The following THRAP3 variants were observed in gnomAD, a reference collection of about 807,000 sequenced individuals.
THRAP3 encodes thyroid hormone receptor-associated protein 3.
THRAP3 carries 16 observed loss-of-function variants against 101.0 expected under a neutral mutation model. The observed-to-expected ratio is 0.16, with a 90% CI of 0.11 to 0.24. The LOEUF (loss-of-function observed/expected upper bound fraction) is 0.24. Among genes scored for constraint, THRAP3 ranks in the 10% least tolerant of loss-of-function variants. THRAP3 has a pLI of 1.00. For synonymous variants in THRAP3, 407 were observed against 422.6 expected, an observed-to-expected ratio of 0.96 and a Z score of 0.45; for missense variants, 989 against 1,202.7, an observed-to-expected ratio of 0.82 and a Z score of 2.63.
At chr1:36,272,249 T>A (rs934787722) in intron 2 of THRAP3, among the ~76,000 whole-genome samples, 1 of 152,198 alleles carries the variant, frequency 6.6e-6, no homozygotes, top group Non-Finnish European at 1.5e-5. Flanking sequence ...TCACCCCCAC[T>A]TTTTAGGAGA....
Position 36,252,086 on chromosome 1 carries a change from C to G in THRAP3, c.-134-7296C>G, listed in dbSNP as rs188903330. On this transcript the variant is annotated intron_variant, in intron 1 of 11. Coordinates refer to ENST00000354618, the MANE Select transcript of THRAP3 (RefSeq NM_005119.4). ...CAGTTCCTACCATTTGGGAGTCTTA[C>G]AGTTTTGAGAATTACTATTCATGAG... Among the ~76,000 whole-genome samples the G allele has an allele frequency of 3.2e-3, 488 of 152,276 alleles. 4 individuals are homozygous for G. Among genetic ancestry groups the G allele is most frequent in the African/African-American group, 0.011 (469 of 41,576 alleles).
chr1:36,287,516 C>T, intron 4 of THRAP3: 3 of 985,446 alleles, frequency 3.0e-6, no homozygotes, highest in South Asian at 4.7e-5. Context: ...GATGTTTTCA[C>T]ATTTAAAATT....
upstream of THRAP3, among the ~76,000 whole-genome samples, chr1:36,221,998 A>C (rs1644904987): frequency 6.6e-6 from 1 of 151,470 alleles, no homozygotes; most frequent in South Asian, 2.1e-4. Flanking sequence ...TTTAGTAGAG[A>C]CCAGGGTTTC....
chr1:36,264,264 C>T (rs924462221), intron 2 of THRAP3, among the ~76,000 whole-genome samples: 2 of 152,246 alleles, frequency 1.3e-5, no homozygotes, highest in African/African-American at 4.8e-5. Flanking sequence ...CTCCCTCCAA[C>T]CACTCTGGTT....
chr1:36,220,972 A>AATATATATATAT (rs1228406695), upstream of THRAP3, among the ~76,000 whole-genome samples: 6 of 94,120 alleles, frequency 6.4e-5, no homozygotes, highest in South Asian at 3.3e-4. Context: ...AAAAAAAAAA[A>AATATATATATAT]ATATATATAT....
At chr1:36,265,058 A>G (rs187852738) in intron 2 of THRAP3, among the ~76,000 whole-genome samples, 2 of 152,094 alleles carry the variant, frequency 1.3e-5, no homozygotes, top group African/African-American at 2.4e-5. Flanking sequence ...CTTAACTTCA[A>G]ATGAGGTTAC....
intron 9 of THRAP3, among the ~76,000 whole-genome samples, chr1:36,299,852 T>TTA (rs1178051042): frequency 6.6e-6 from 1 of 152,060 alleles, no homozygotes; most frequent in Non-Finnish European, 1.5e-5. Flanking sequence ...GCACGGATGT[T>TTA]TAGTGGGGTC....
intron 1 of THRAP3, among the ~76,000 whole-genome samples, chr1:36,245,369 A>G (rs1487431487): frequency 6.6e-6 from 1 of 151,584 alleles, no homozygotes; most frequent in Non-Finnish European, 1.5e-5. Context: ...GGGTTTCACC[A>G]TTTTGGCCAG....
rs1553121666 is a variant in THRAP3, at chr1:36,270,571, G to GGTTTTTT, written c.-32+11087_-32+11088insGTTTTTT. ...TAAAAATACAGTTCTATTTGTTTAG[G>GGTTTTTT]TTTTTGTTTTTTTTTTTTTTTTTGA... On this transcript the variant is annotated intron_variant, in intron 2 of 11. Coordinates refer to ENST00000354618, the MANE Select transcript of THRAP3 (RefSeq NM_005119.4). 1.9e-3 allele frequency among the ~76,000 whole-genome samples: 62 copies of GGTTTTTT among 31,876 alleles called. 1 individual carries two copies. Among genetic ancestry groups the GGTTTTTT allele is most frequent in the Middle Eastern group, 0.016 (1 of 62 alleles). The allele number at this position is 31,876 out of a possible 152,430, so 20.9% of individuals were successfully genotyped here. A position where few individuals can be genotyped will look rare whatever the true frequency, so the allele number is the denominator to read the frequency against.
chr1:36,273,631 G>A (rs1261547636), intron 2 of THRAP3, among the ~76,000 whole-genome samples: 4 of 152,194 alleles, frequency 2.6e-5, no homozygotes, highest in Non-Finnish European at 5.9e-5. Context: ...TGGTGAAGAA[G>A]TAAAATCATC....
chr1:36,265,078 T>G (rs1014368260), intron 2 of THRAP3, among the ~76,000 whole-genome samples: 8 of 152,150 alleles, frequency 5.3e-5, no homozygotes, highest in Non-Finnish European at 1.0e-4. Flanking sequence ...CATTCTGAGG[T>G]ACTAGGGGTT....
chr1:36,245,335 T>A (rs1645218521), intron 1 of THRAP3, among the ~76,000 whole-genome samples: 1 of 151,662 alleles, frequency 6.6e-6, no homozygotes, highest in South Asian at 2.1e-4. Flanking sequence ...CCCGGCTAAT[T>A]TTTTTGTATT....
chr1:36,292,206 C>G (rs1645879162), intron 6 of THRAP3, among the ~76,000 whole-genome samples: 2 of 147,692 alleles, frequency 1.4e-5, no homozygotes, highest in Non-Finnish European at 3.0e-5. Context: ...TTACGGGTTC[C>G]TGCAAAAGAG....
chr1:36,244,494 A>G (rs1012089342), intron 1 of THRAP3, among the ~76,000 whole-genome samples: 1 of 152,224 alleles, frequency 6.6e-6, no homozygotes, highest in Non-Finnish European at 1.5e-5. Flanking sequence ...TCTTAGCTTT[A>G]CTATACTTAG....
At position 36,287,558 on chromosome 1, in the gene THRAP3, A is replaced by G. The variant is rs1428525148; in HGVS notation, c.1040+288A>G. 41 of 985,350 alleles carry G rather than the reference A, an allele frequency of 4.2e-5. 1 individual carries two copies. The highest frequency in any genetic ancestry group is 4.9e-5 in the Non-Finnish European group (41 of 829,948). 61.0% of individuals were successfully genotyped at this position (985,350 alleles called of 1,614,324 possible). The stretch of plus-strand genomic sequence containing the variant: ...GGATTCTACCAATGTAAGCCAAAGA[A>G]CAGTAGAGATTTGTGGGTCAGCTAT... On this transcript the variant is annotated intron_variant, in intron 4 of 11. Transcript: ENST00000354618.
At chr1:36,212,877 G>A in the THRAP3 span, among the ~76,000 whole-genome samples, 8 of 152,130 alleles carry the variant, frequency 5.3e-5, no homozygotes, top group East Asian at 1.9e-4. Flanking sequence ...TCTGACAAAC[G>A]CAGTTGGTGT....
chr1:36,274,084 A>T (rs200450892), intron 2 of THRAP3, among the ~76,000 whole-genome samples: 15 of 4,358 alleles, frequency 3.4e-3, no homozygotes, highest in African/African-American at 4.0e-3. Context: ...TGTCACACAC[A>T]CACACACACA....
In THRAP3 at chr1:36,259,499, G is replaced by A; in HGVS notation, c.-32+15G>A. 2.5e-6 allele frequency: 1 copy of A among 398,496 alleles called. No homozygotes were observed. Among genetic ancestry groups the A allele is most frequent in the Admixed American group, 4.4e-5 (1 of 22,712 alleles). The allele number at this position is 398,496 out of a possible 1,614,324, so 24.7% of individuals were successfully genotyped here. On this transcript the variant is annotated intron_variant, in intron 2 of 11. Coordinates refer to ENST00000354618, the MANE Select transcript of THRAP3 (RefSeq NM_005119.4). The stretch of plus-strand genomic sequence containing the variant: ...GTTCAAATAAGGTAAAAGCATGGTG[G>A]TAAAAGAAACTAATAACTTCACTAA...
upstream of THRAP3, among the ~76,000 whole-genome samples, chr1:36,223,834 A>G (rs1323477772): frequency 6.6e-6 from 1 of 152,090 alleles, no homozygotes; most frequent in Non-Finnish European, 1.5e-5. Context: ...ACACAATTAA[A>G]ATTAAAAAAA....
Sources: allele counts gnomAD v4.1 joint callset (sites outside exome capture counted in the v4.1 genomes callset), GRCh38; gene constraint gnomAD v4.1.1; transcripts MANE v1.5; gene names NCBI Gene and HGNC (gene_info 2026-07-23, HGNC 2026-07-21).